PUM2: variants seen among roughly 807,000 people sequenced by gnomAD.
PUM2 encodes the protein pumilio homolog 2.
A neutral mutation model predicts 124.5 loss-of-function variants in PUM2; 57 were observed. The observed-to-expected ratio is 0.46, with a 90% CI of 0.37 to 0.57. PUM2 has a LOEUF of 0.57. Ranked by LOEUF, PUM2 falls within the 20% of genes least tolerant of loss-of-function variation. The pLI is 0.00. For synonymous variants in PUM2, 460 were observed against 446.1 expected, an observed-to-expected ratio of 1.03 and a Z score of -0.39; for missense variants, 1,065 against 1,290.6, an observed-to-expected ratio of 0.83 and a Z score of 2.68.
chr2:20,306,095 C>A (rs994078583), intron 7 of PUM2, among the ~76,000 whole-genome samples: 1 of 152,074 alleles, frequency 6.6e-6, no homozygotes, highest in African/African-American at 2.4e-5. Context: ...GTCCCAGCTA[C>A]TCGGGAGGCT....
intron 2 of PUM2, among the ~76,000 whole-genome samples, chr2:20,319,912 G>A (rs1298420292): frequency 6.6e-6 from 1 of 152,132 alleles, no homozygotes; most frequent in Non-Finnish European, 1.5e-5. Context: ...ATAACAAATA[G>A]AAAGAACAAG....
intron 1 of PUM2, among the ~76,000 whole-genome samples, chr2:20,329,078 G>A (rs1338370595): frequency 2.0e-5 from 3 of 151,556 alleles, no homozygotes; most frequent in Admixed American, 6.6e-5. Flanking sequence ...GGCTGAGGTG[G>A]GAATATCACT....
intron 6 of PUM2, 108 bp from the exon 7 acceptor site, chr2:20,308,179 A>T (rs1299036458): frequency 1.4e-6 from 2 of 1,481,096 alleles, no homozygotes; most frequent in African/African-American, 2.8e-5. Context: ...GGACTTTCTC[A>T]AATACAGGAC....
Position 20,251,660 on chromosome 2 carries a change from G to A in PUM2, c.3120C>T (p.Ala1040=), listed in dbSNP as rs1261761933. The A allele has an allele frequency of 1.2e-6, 2 of 1,613,522 alleles. No individual in the cohort carries two copies. Among genetic ancestry groups the A allele is most frequent in the East Asian group, 2.2e-5 (1 of 44,856 alleles). ...RKYTYGKHIL[A]KLEKYYLKNS... Reference sequence around the variant, plus strand: ...TCTTCAAATAATACTTTTCCAACTTGGCCAGTATATGCTTCCCGTATGTGT... The same window carrying A: ...TCTTCAAATAATACTTTTCCAACTTAGCCAGTATATGCTTCCCGTATGTGT... The change falls in exon 21 of 21, where the codon GCC becomes GCT. Residue 1040 remains alanine (A), a synonymous_variant. Transcript: ENST00000361078.
At chr2:20,293,394 C>A (rs1173383679) in intron 9 of PUM2, among the ~76,000 whole-genome samples, 4 of 152,180 alleles carry the variant, frequency 2.6e-5, no homozygotes, top group Non-Finnish European at 5.9e-5. Context: ...AAAACAGCTT[C>A]AACAGAGCAT....
At chr2:20,344,121 G>A (rs1365471148) in intron 1 of PUM2, among the ~76,000 whole-genome samples, 2 of 152,112 alleles carry the variant, frequency 1.3e-5, no homozygotes, top group Non-Finnish European at 2.9e-5. Context: ...ATGCTGCAGT[G>A]CAGTGGCTCG....
intron 9 of PUM2, among the ~76,000 whole-genome samples, chr2:20,293,910 ATCTT>A (rs1043202033): frequency 3.3e-5 from 5 of 152,238 alleles, no homozygotes; most frequent in East Asian, 1.9e-4. Flanking sequence ...AGATATAAAC[ATCTT>A]TCTTTTTCCA....
At chr2:20,259,554 T>C (rs1665665582) in intron 15 of PUM2, among the ~76,000 whole-genome samples, 1 of 152,254 alleles carries the variant, frequency 6.6e-6, no homozygotes, top group East Asian at 1.9e-4. Context: ...TGTGTGTGGC[T>C]TGTTTCACTT....
intron 7 of PUM2, among the ~76,000 whole-genome samples, chr2:20,299,397 G>C (rs541231159): frequency 1.3e-5 from 2 of 152,206 alleles, no homozygotes; most frequent in South Asian, 4.1e-4. Context: ...AGGCATGGTG[G>C]CTCATGCCTG....
At position 20,255,251 on chromosome 2, in the gene PUM2, C is replaced by T. The variant is rs1470845350; in HGVS notation, c.2713G>A (p.Glu905Lys). ...CTAEQTLPIL[E>K]ELHQHTEQLV... ...TGCTCTGTATGTTGGTGGAGTTCTT[C>T]TAAGATAGGTAAGGTCTGTTCTGCA... Residue 905 changes from glutamate to lysine, a missense_variant, in exon 18 of 21, where the codon GAA becomes AAA. By Grantham distance (56) the Glu-to-Lys change is moderately conservative (BLOSUM62 1). This residue lies in a region of PUM2 where 968 missense variants were observed against 1,159.8 expected (regional missense o/e 0.83). Coordinates refer to ENST00000361078, the MANE Select transcript of PUM2 (RefSeq NM_015317.5). 1.2e-6 allele frequency: 2 copies of T among 1,603,928 alleles called. No homozygotes were observed. The highest frequency in any genetic ancestry group is 2.2e-5 in the South Asian group (2 of 90,866).
chr2:20,258,451 CTATT>C, intron 15 of PUM2, 80 bp from the exon 16 acceptor site: 1 of 1,417,106 alleles, frequency 7.1e-7, no homozygotes. Flanking sequence ...TGTTTGCAGT[CTATT>C]CATTCTATCA....
intron 2 of PUM2, among the ~76,000 whole-genome samples, chr2:20,326,756 G>A (rs1683778224): frequency 6.6e-6 from 1 of 152,112 alleles, no homozygotes; most frequent in South Asian, 2.1e-4. Context: ...TAATTTACAG[G>A]GGAGACAAGT....
At chr2:20,259,535 T>C (rs572343989) in intron 15 of PUM2, among the ~76,000 whole-genome samples, 3 of 152,364 alleles carry the variant, frequency 2.0e-5, no homozygotes, top group Non-Finnish European at 4.4e-5. Context: ...CTATCAATGT[T>C]TGTCCTTTTG....
chr2:20,267,756 C>CT (rs2148660517), intron 13 of PUM2, among the ~76,000 whole-genome samples: 1 of 152,268 alleles, frequency 6.6e-6, no homozygotes, highest in South Asian at 2.1e-4. Flanking sequence ...GGACATGCAG[C>CT]TAGTCAGCCA....
chr2:20,251,343 T>G lies in PUM2; in HGVS notation c.*242A>C. 2 of 348,438 alleles carry G rather than the reference T, an allele frequency of 5.7e-6. No homozygotes were observed. Among genetic ancestry groups the G allele is most frequent in the Non-Finnish European group, 1.0e-5 (2 of 194,206 alleles). The allele number at this position is 348,438 out of a possible 1,614,324, so 21.6% of individuals were successfully genotyped here. On this transcript the variant is annotated 3_prime_UTR_variant, in exon 21 of 21. Coordinates refer to ENST00000361078, the MANE Select transcript of PUM2 (RefSeq NM_015317.5). ...TACATCATATACAGGCATTCTGTGC[T>G]TTGCCAGCAATCCAATCTGATAGGT...
intron 1 of PUM2, among the ~76,000 whole-genome samples, chr2:20,342,870 C>T (rs1467990499): frequency 6.6e-6 from 1 of 152,098 alleles, no homozygotes; most frequent in Non-Finnish European, 1.5e-5. Context: ...TTTAAAAAGG[C>T]AAGTTATTAC....
intron 12 of PUM2, among the ~76,000 whole-genome samples, chr2:20,280,484 C>T (rs1262628884): frequency 6.6e-6 from 1 of 150,504 alleles, no homozygotes; most frequent in Non-Finnish European, 1.5e-5. Context: ...TAAAATATGG[C>T]TACATTTTAA....
intron 10 of PUM2, among the ~76,000 whole-genome samples, chr2:20,288,563 G>A (rs931684310): frequency 6.6e-6 from 1 of 152,162 alleles, no homozygotes; most frequent in African/African-American, 2.4e-5. Context: ...AGGATTGGGA[G>A]AGGGAAAGAC....
intron 5 of PUM2, among the ~76,000 whole-genome samples, chr2:20,309,168 C>CT (rs1172930036): frequency 3.3e-5 from 5 of 152,138 alleles, no homozygotes; most frequent in African/African-American, 1.2e-4. Context: ...TGACTTCTGA[C>CT]TTTGTCTTTT....
Sources: gnomAD v4.1 joint callset for allele counts (sites outside exome capture counted in the v4.1 genomes callset) on GRCh38, gnomAD v4.1.1 for gene constraint, gnomAD v4.1.1 regional missense constraint, MANE v1.5 for transcripts, NCBI Gene and HGNC (gene_info 2026-07-23, HGNC 2026-07-21) for gene names.